CYTH1: variants seen among roughly 807,000 people sequenced by gnomAD.
The protein encoded by CYTH1 is cytohesin 1.
Under a neutral mutation model 61.8 loss-of-function variants are expected in CYTH1, and 18 were observed. The observed-to-expected ratio is 0.29, with a 90% CI of 0.20 to 0.43. The LOEUF (loss-of-function observed/expected upper bound fraction) is 0.43, where lower values mean the gene tolerates loss of function less well. Among genes scored for constraint, CYTH1 ranks in the 20% least tolerant of loss-of-function variants. The pLI, the probability that CYTH1 is intolerant of heterozygous loss-of-function variation, is 1.00. For missense variants in CYTH1, 336 were observed against 510.5 expected, an observed-to-expected ratio of 0.66 and a Z score of 3.29; for synonymous variants, 174 against 184.3, an observed-to-expected ratio of 0.94 and a Z score of 0.45.
chr17:78,692,266 T>C, intron 11 of CYTH1, 151 bp downstream of exon 11: 1 of 812,440 alleles, frequency 1.2e-6, no homozygotes, highest in South Asian at 1.5e-5. Context: ...GAGATTTACT[T>C]CAGTTCTTGC....
intron 1 of CYTH1, among the ~76,000 whole-genome samples, chr17:78,742,367 G>C (rs934708397): frequency 2.0e-5 from 3 of 152,222 alleles, no homozygotes; most frequent in Non-Finnish European, 4.4e-5. Flanking sequence ...TTTGAGACTA[G>C]CCTGGGAGAG....
Position 78,719,184 on chromosome 17 carries a change from G to C in CYTH1, c.23-9452C>G, listed in dbSNP as rs192514469. ...GGTCTTGGGTCCTAAGCCTAGCTTG[G>C]GGCCACACTCACCAGCTGGATGACC... On this transcript the variant is annotated intron_variant, in intron 1 of 13. Coordinates refer to ENST00000446868, the MANE Select transcript of CYTH1 (RefSeq NM_004762.6). Among the ~76,000 whole-genome samples the C allele has an allele frequency of 1.6e-4, 24 of 152,320 alleles. No individual in the cohort carries two copies. In the East Asian group the frequency reaches 3.3e-3, roughly 21 times the overall value.
intron 1 of CYTH1, among the ~76,000 whole-genome samples, chr17:78,736,475 A>C (rs1268184684): frequency 1.3e-5 from 2 of 151,698 alleles, no homozygotes; most frequent in African/African-American, 4.9e-5. Flanking sequence ...CACCCGAGAG[A>C]GCCTCAGCTT....
At chr17:78,770,058 G>A (rs2093464394) in intron 1 of CYTH1, among the ~76,000 whole-genome samples, 1 of 151,902 alleles carries the variant, frequency 6.6e-6, no homozygotes, top group Admixed American at 6.6e-5. Flanking sequence ...GCTGAGGCAG[G>A]AGAATCACCT....
intron 1 of CYTH1, among the ~76,000 whole-genome samples, chr17:78,773,365 C>T (rs1402939417): frequency 6.6e-6 from 1 of 152,090 alleles, no homozygotes; most frequent in Non-Finnish European, 1.5e-5. Flanking sequence ...AGCGGTGGCT[C>T]ACGCCTGTAA....
Position 78,685,146 on chromosome 17 carries a change from C to T in CYTH1, c.892-4104G>A, listed in dbSNP as rs541032597. Among the ~76,000 whole-genome samples the T allele has an allele frequency of 6.7e-5, 10 of 149,272 alleles. No individual in the cohort carries two copies. The East Asian group carries it at 1.8e-3, about 26-fold the overall frequency. ...TCCGGGAGGCGGAGGTTGCAGTGAG[C>T]CACTGCAAGATCGTGCCACTGGACT... On this transcript the variant is annotated intron_variant, in intron 11 of 13. Transcript: ENST00000446868.
chr17:78,683,910 G>A (rs551754225), intron 11 of CYTH1, among the ~76,000 whole-genome samples: 4 of 152,304 alleles, frequency 2.6e-5, no homozygotes, highest in East Asian at 1.9e-4. Flanking sequence ...ATCACCAGGC[G>A]AGCAGGTGGG....
chr17:78,703,972 G>A (rs547608208), intron 3 of CYTH1, among the ~76,000 whole-genome samples: 10 of 152,240 alleles, frequency 6.6e-5, no homozygotes, highest in South Asian at 6.2e-4. Context: ...TGGGTCATAC[G>A]GTACATCTGT....
At chr17:78,731,316 C>T (rs2093292822) in intron 1 of CYTH1, among the ~76,000 whole-genome samples, 1 of 152,140 alleles carries the variant, frequency 6.6e-6, no homozygotes, top group South Asian at 2.1e-4. Flanking sequence ...CTTTAAGAGT[C>T]TGTGATTACA....
intron 1 of CYTH1, among the ~76,000 whole-genome samples, chr17:78,770,133 A>T (rs2144749112): frequency 6.6e-6 from 1 of 151,416 alleles, no homozygotes; most frequent in East Asian, 2.0e-4. Flanking sequence ...CTGACGACAC[A>T]GCAAGACTTC....
At chr17:78,752,490 T>C (rs1434659685) in intron 1 of CYTH1, among the ~76,000 whole-genome samples, 2 of 152,178 alleles carry the variant, frequency 1.3e-5, no homozygotes, top group Non-Finnish European at 2.9e-5. Flanking sequence ...TGGAGTGTAG[T>C]GGTGTGATCT....
intron 1 of CYTH1, among the ~76,000 whole-genome samples, chr17:78,716,645 C>G (rs1053127918): frequency 6.6e-6 from 1 of 152,188 alleles, no homozygotes; most frequent in Non-Finnish European, 1.5e-5. Flanking sequence ...GAATTTTATT[C>G]TGAGATGAGG....
At chr17:78,705,225 G>A (rs551588682) in intron 3 of CYTH1, among the ~76,000 whole-genome samples, 6 of 152,206 alleles carry the variant, frequency 3.9e-5, no homozygotes, top group Middle Eastern at 3.4e-3. Flanking sequence ...CCACCAGAAC[G>A]CACACTCCCA....
intron 1 of CYTH1, among the ~76,000 whole-genome samples, chr17:78,726,201 G>A (rs187224834): frequency 6.2e-4 from 95 of 152,002 alleles, no homozygotes; most frequent in Middle Eastern, 3.4e-3. Context: ...CCGCTACCAC[G>A]CCTGGCTAAT....
intron 10 of CYTH1, among the ~76,000 whole-genome samples, chr17:78,695,621 C>T (rs554329620): frequency 1.3e-5 from 2 of 152,176 alleles, no homozygotes; most frequent in African/African-American, 4.8e-5. Flanking sequence ...TTCTCCTCTT[C>T]CCCACGTCAG....
intron 1 of CYTH1, among the ~76,000 whole-genome samples, chr17:78,770,249 G>C (rs536557061): frequency 2.7e-5 from 4 of 150,866 alleles, no homozygotes; most frequent in African/African-American, 9.7e-5. Context: ...GCTTGACCCG[G>C]GAGGTGGAGG....
chr17:78,749,625 T>C (rs900884906), intron 1 of CYTH1, among the ~76,000 whole-genome samples: 2 of 151,584 alleles, frequency 1.3e-5, no homozygotes, highest in African/African-American at 4.9e-5. Context: ...TTGAGATCCC[T>C]GTCTCAAAAA....
At chr17:78,722,866 G>A (rs997150943) in intron 1 of CYTH1, among the ~76,000 whole-genome samples, 1 of 152,202 alleles carries the variant, frequency 6.6e-6, no homozygotes, top group Middle Eastern at 3.4e-3. Context: ...GAAACTCCAC[G>A]GGTGGCAGGC....
chr17:78,732,178 T>C (rs568439899), intron 1 of CYTH1, among the ~76,000 whole-genome samples: 2 of 152,338 alleles, frequency 1.3e-5, no homozygotes, highest in African/African-American at 4.8e-5. Flanking sequence ...CCCAGACCTG[T>C]GCCTACCAAG....
Sources: allele counts gnomAD v4.1 joint callset (sites outside exome capture counted in the v4.1 genomes callset), GRCh38; gene constraint gnomAD v4.1.1; transcripts MANE v1.5; gene names NCBI Gene and HGNC (gene_info 2026-07-23, HGNC 2026-07-21).